Variants in ANO4 observed in about 807,000 individuals in gnomAD.
The protein encoded by ANO4 is anoctamin 4.
Under a neutral mutation model 141.9 loss-of-function variants are expected in ANO4, and 69 were observed. That is an observed-to-expected ratio of 0.49 (90% confidence interval 0.40 to 0.59). The LOEUF (loss-of-function observed/expected upper bound fraction) is 0.59. Ranked by LOEUF, ANO4 falls within the 20% of genes least tolerant of loss-of-function variation. The pLI is 0.00. For missense variants in ANO4, 894 were observed against 1,162.2 expected (o/e 0.77, Z 3.36); for synonymous variants, 350 against 394.3 (o/e 0.89, Z 1.33).
intron 18 of ANO4, among the ~76,000 whole-genome samples, chr12:101,096,290 G>C (rs992336466): frequency 6.6e-6 from 1 of 152,162 alleles, no homozygotes; most frequent in African/African-American, 2.4e-5. Context: ...GAACAGTCTA[G>C]GTATTCAATT....
intron 5 of ANO4, among the ~76,000 whole-genome samples, chr12:100,967,056 A>G (rs1190313455): frequency 6.6e-6 from 1 of 151,992 alleles, no homozygotes; most frequent in Non-Finnish European, 1.5e-5. Context: ...GGTTTTCAGT[A>G]TGTTCTTGCT....
intron 8 of ANO4, among the ~76,000 whole-genome samples, chr12:101,015,951 C>T (rs1417576322): frequency 6.6e-6 from 1 of 152,160 alleles, no homozygotes; most frequent in Admixed American, 6.5e-5. Context: ...ACTGTTCCTT[C>T]TCATAATCCT....
intron 5 of ANO4, among the ~76,000 whole-genome samples, chr12:100,969,714 T>A (rs2043835553): frequency 6.6e-6 from 1 of 152,002 alleles, no homozygotes. Flanking sequence ...AAAGGATTGT[T>A]ATACAATACT....
At chr12:100,957,329 GA>G (rs1288054464) in intron 5 of ANO4, among the ~76,000 whole-genome samples, 20 of 152,104 alleles carry the variant, frequency 1.3e-4, no homozygotes, top group Non-Finnish European at 2.8e-4. Context: ...ATTCCTGCAG[GA>G]ACAGGTGCAG....
At chr12:100,986,055 C>A (rs1220813262) in intron 7 of ANO4, among the ~76,000 whole-genome samples, 4 of 152,088 alleles carry the variant, frequency 2.6e-5, no homozygotes, top group African/African-American at 9.7e-5. Context: ...GCCATCCAAC[C>A]CATTGAGTGG....
intron 8 of ANO4, among the ~76,000 whole-genome samples, chr12:101,014,354 C>T (rs1229293238): frequency 3.3e-5 from 5 of 152,150 alleles, no homozygotes; most frequent in African/African-American, 1.2e-4. Context: ...ATTGGGACCT[C>T]AATCTTCCAC....
chr12:101,007,275 G>A (rs934626747), intron 8 of ANO4, among the ~76,000 whole-genome samples: 11 of 152,184 alleles, frequency 7.2e-5, no homozygotes, highest in Admixed American at 1.3e-4. Flanking sequence ...GCTTAAATCC[G>A]AGAGGCAGAG....
At chr12:100,845,042 T>G (rs75555839) in intron 1 of ANO4, among the ~76,000 whole-genome samples, 18,797 of 152,126 alleles carry the variant, frequency 0.12, 1,263 homozygotes, top group South Asian at 0.18. Flanking sequence ...TTCTGAAAGT[T>G]GTCCACCATG....
chr12:100,840,505 G>A (rs957076713), intron 1 of ANO4, among the ~76,000 whole-genome samples: 6 of 152,158 alleles, frequency 3.9e-5, no homozygotes, highest in Admixed American at 6.6e-5. Flanking sequence ...ATAGCAGTTA[G>A]TAGTAAATGT....
intron 5 of ANO4, among the ~76,000 whole-genome samples, chr12:100,951,702 A>G (rs907615334): frequency 6.6e-6 from 1 of 152,210 alleles, no homozygotes; most frequent in Admixed American, 6.5e-5. Flanking sequence ...TTTGCATTCC[A>G]AAGACTTATT....
At chr12:100,912,162 G>C (rs967517126) in intron 2 of ANO4, among the ~76,000 whole-genome samples, 2 of 152,056 alleles carry the variant, frequency 1.3e-5, no homozygotes, top group African/African-American at 2.4e-5. Flanking sequence ...TTGGGAGGCT[G>C]AGGTGGGCGG....
At chr12:100,895,431 A>G (rs930204347) in intron 1 of ANO4, among the ~76,000 whole-genome samples, 4 of 152,078 alleles carry the variant, frequency 2.6e-5, no homozygotes, top group African/African-American at 9.7e-5. Context: ...GAAATAGCAC[A>G]CCTTGGAAGT....
rs765241694 is a variant in ANO4 at position 101,111,653 on chromosome 12, G to T, written c.2393G>T (p.Arg798Leu). ...VIAITSDFIPRLVYAYKYGPC... is the reference protein window; with the variant it reads ...VIAITSDFIPLLVYAYKYGPC... Reference sequence around the variant, plus strand: ...GCGATAACATCTGACTTTATCCCTCGCTTGGTGTATGCTTATAAGTATGGA... The same window carrying T: ...GCGATAACATCTGACTTTATCCCTCTCTTGGTGTATGCTTATAAGTATGGA... Residue 798 changes from arginine to leucine, a missense_variant, in exon 24 of 28, where the codon CGC becomes CTC. Arg to Leu is a moderately radical substitution (Grantham distance 102). Transcript: ENST00000392977. 1.9e-6 allele frequency: 3 copies of T among 1,613,008 alleles called. No homozygotes were observed. Among genetic ancestry groups the T allele is most frequent in the African/African-American group, 1.3e-5 (1 of 74,942 alleles).
intron 1 of ANO4, among the ~76,000 whole-genome samples, chr12:100,851,226 C>G (rs2037854940): frequency 6.6e-6 from 1 of 152,056 alleles, no homozygotes; most frequent in Non-Finnish European, 1.5e-5. Flanking sequence ...TAACTTTGTC[C>G]CCCATTTTTT....
intron 22 of ANO4, among the ~76,000 whole-genome samples, chr12:101,104,663 ATATATATAAAT>A: frequency 1.6e-5 from 1 of 60,904 alleles, no homozygotes; most frequent in Admixed American, 1.8e-4. Context: ...ATATATATAT[ATATATATAAAT>A]AAAAAGATTT....
chr12:101,119,707 T>C (rs1229183354), intron 25 of ANO4, among the ~76,000 whole-genome samples: 3 of 152,164 alleles, frequency 2.0e-5, no homozygotes, highest in African/African-American at 7.2e-5. Flanking sequence ...CAAATGCATA[T>C]ACATATAAGT....
chr12:101,103,183 T>TATATATATA lies in ANO4; in HGVS notation c.2149+3463_2149+3464insATATATATA, dbSNP rs1197565753. On this transcript the variant is annotated intron_variant, in intron 22 of 27. Transcript: ENST00000392977. ...CTTTACATTTTCCTTTTTAGTCATT[T>TATATATATA]TATATATATATATATATATATATAT... Among the ~76,000 whole-genome samples, 31 of 18,576 alleles carry TATATATATA rather than the reference T, an allele frequency of 1.7e-3. 6 individuals are homozygous for TATATATATA. The highest frequency in any genetic ancestry group is 2.5e-3 in the Non-Finnish European group (26 of 10,444). 12.2% of individuals were successfully genotyped at this position (18,576 alleles called of 152,430 possible).
At chr12:100,760,163 C>G (rs1221202443) in intron 3 of ANO4, among the ~76,000 whole-genome samples, 1 of 152,168 alleles carries the variant, frequency 6.6e-6, no homozygotes, top group African/African-American at 2.4e-5. Context: ...CCTAAAGGAA[C>G]ACTGGACTTC....
chr12:100,937,386 G>A (rs1051178701), intron 3 of ANO4, among the ~76,000 whole-genome samples: 2 of 152,156 alleles, frequency 1.3e-5, no homozygotes, highest in African/African-American at 4.8e-5. Context: ...AACAATGAGA[G>A]GACAACAATT....
Sources: allele counts gnomAD v4.1 joint callset (sites outside exome capture counted in the v4.1 genomes callset), GRCh38; gene constraint gnomAD v4.1.1; transcripts MANE v1.5; gene names NCBI Gene and HGNC (gene_info 2026-07-23, HGNC 2026-07-21).